PPFIBP1: variants seen among roughly 807,000 people sequenced by gnomAD.
PPFIBP1 encodes liprin-beta-1.
In PPFIBP1, 112 loss-of-function variants were observed where a neutral mutation model predicts 137.8. The ratio of observed to expected loss-of-function variants is 0.81; its 90% CI spans 0.70 to 0.95. The LOEUF is 0.95. PPFIBP1 is among the 40% of genes least tolerant of loss of function. The pLI is 0.00. For synonymous variants in PPFIBP1, 378 were observed against 417.3 expected (o/e 0.91, Z 1.15); for missense variants, 1,083 against 1,196.6 (o/e 0.91, Z 1.40).
intron 2 of PPFIBP1, chr12:27,593,351 T>C: frequency 2.4e-6 from 1 of 418,364 alleles, no homozygotes; most frequent in Non-Finnish European, 4.7e-6. Flanking sequence ...ATTCTGTGGT[T>C]CAACCCAGGC....
intron 28 of PPFIBP1, 139 bp downstream of exon 28, chr12:27,692,067 A>T: frequency 1.0e-5 from 7 of 694,758 alleles, no homozygotes; most frequent in Non-Finnish European, 1.6e-5. Context: ...ACACTTAGAG[A>T]TCACTTATAT....
chr12:27,534,331 T>C (rs1944741272), intron 1 of PPFIBP1, among the ~76,000 whole-genome samples: 1 of 152,082 alleles, frequency 6.6e-6, no homozygotes, highest in Non-Finnish European at 1.5e-5. Context: ...ATTGAGTAAG[T>C]TCACTGCAGG....
chr12:27,644,350 G>A (rs545018328), intron 4 of PPFIBP1, among the ~76,000 whole-genome samples: 11 of 150,706 alleles, frequency 7.3e-5, no homozygotes, highest in Non-Finnish European at 1.0e-4. Flanking sequence ...CGAAGTGCTG[G>A]AATTACAGGT....
chr12:27,619,963 T>C (rs1017728662), intron 2 of PPFIBP1, among the ~76,000 whole-genome samples: 17 of 151,934 alleles, frequency 1.1e-4, no homozygotes, highest in African/African-American at 4.1e-4. Context: ...ATACATTTTA[T>C]ATATATATTT....
chr12:27,658,329 A>C (rs2059341615), intron 9 of PPFIBP1, among the ~76,000 whole-genome samples: 1 of 152,066 alleles, frequency 6.6e-6, no homozygotes, highest in Non-Finnish European at 1.5e-5. Flanking sequence ...TGATATTGGG[A>C]TAGCATCTAA....
At position 27,611,378 on chromosome 12, in the gene PPFIBP1, T is replaced by G. The variant is rs1035955302; in HGVS notation, c.-35-21984T>G. Among the ~76,000 whole-genome samples the G allele has an allele frequency of 2.6e-5, 4 of 152,184 alleles. 1 individual carries two copies. Among genetic ancestry groups the G allele is most frequent in the African/African-American group, 9.6e-5 (4 of 41,454 alleles). ...GTCTTCTTTTGCATTCACATCATCT[T>G]GAATTTTGGGCACATATTTCTGTGT... On this transcript the variant is annotated intron_variant, in intron 2 of 29. Coordinates refer to ENST00000228425, the MANE Select transcript of PPFIBP1 (RefSeq NM_003622.4).
chr12:27,583,745 C>T (rs1270364465), intron 2 of PPFIBP1, among the ~76,000 whole-genome samples: 1 of 152,176 alleles, frequency 6.6e-6, no homozygotes, highest in Non-Finnish European at 1.5e-5. Flanking sequence ...CTCTTTTCTC[C>T]TCTTGTTAGC....
chr12:27,628,826 G>A (rs1312860155), intron 2 of PPFIBP1, among the ~76,000 whole-genome samples: 1 of 152,116 alleles, frequency 6.6e-6, no homozygotes, highest in Admixed American at 6.6e-5. Flanking sequence ...GAAAGACTTA[G>A]AGAAATAAAG....
chr12:27,598,791 G>A (rs370769034), intron 2 of PPFIBP1, among the ~76,000 whole-genome samples: 1 of 152,244 alleles, frequency 6.6e-6, no homozygotes. Context: ...GGGGATTTGG[G>A]GGTCCTCATT....
intron 10 of PPFIBP1, among the ~76,000 whole-genome samples, chr12:27,660,201 C>A (rs888838764): frequency 3.9e-5 from 6 of 152,020 alleles, no homozygotes; most frequent in Non-Finnish European, 8.8e-5. Flanking sequence ...CCTGGAGTGA[C>A]TTTTCATCTT....
At chr12:27,549,415 A>G (rs1946541254) in intron 1 of PPFIBP1, 1 of 152,220 alleles carries the variant, frequency 6.6e-6, no homozygotes, top group African/African-American at 2.4e-5. Context: ...CCTTTTCTAC[A>G]GTCCGGATGA....
intron 5 of PPFIBP1, among the ~76,000 whole-genome samples, chr12:27,647,492 T>C (rs901847124): frequency 8.6e-5 from 13 of 151,936 alleles, no homozygotes; most frequent in East Asian, 1.9e-4. Flanking sequence ...AAAAGTATTG[T>C]ACATTCCTAA....
intron 11 of PPFIBP1, among the ~76,000 whole-genome samples, chr12:27,661,338 C>G (rs1349371039): frequency 6.6e-6 from 1 of 152,256 alleles, no homozygotes; most frequent in Non-Finnish European, 1.5e-5. Flanking sequence ...CCTCCATTTA[C>G]TCATTATTTC....
At chr12:27,677,503 T>C (rs2060596416) in intron 19 of PPFIBP1, 2 of 208,548 alleles carry the variant, frequency 9.6e-6, no homozygotes, top group Admixed American at 5.1e-5. Flanking sequence ...AGAAATTTTT[T>C]TGGCCATATA....
chr12:27,545,833 C>G (rs1214891154), intron 1 of PPFIBP1, among the ~76,000 whole-genome samples: 3 of 152,210 alleles, frequency 2.0e-5, no homozygotes, highest in African/African-American at 7.2e-5. Flanking sequence ...TTAAAGCTTT[C>G]TCTTCTCCCC....
chr12:27,610,433 G>A (rs1325999658), intron 2 of PPFIBP1, among the ~76,000 whole-genome samples: 2 of 152,088 alleles, frequency 1.3e-5, no homozygotes, highest in African/African-American at 4.8e-5. Flanking sequence ...TCTAGCTGCT[G>A]GCATCTAAGT....
intron 2 of PPFIBP1, among the ~76,000 whole-genome samples, chr12:27,610,605 G>T (rs761155911): frequency 1.3e-5 from 2 of 152,206 alleles, no homozygotes; most frequent in Admixed American, 6.5e-5. Flanking sequence ...GGAGACTTAA[G>T]TCTTGCTGAG....
intron 4 of PPFIBP1, chr12:27,635,789 G>A (rs2057622895): frequency 6.6e-6 from 1 of 152,182 alleles, no homozygotes; most frequent in South Asian, 2.1e-4. Flanking sequence ...CGCTTTCTAG[G>A]CATCCTTCTC....
At chr12:27,624,714 C>G (rs998405729) in intron 2 of PPFIBP1, among the ~76,000 whole-genome samples, 1 of 152,136 alleles carries the variant, frequency 6.6e-6, no homozygotes, top group Non-Finnish European at 1.5e-5. Context: ...CCTTACAATC[C>G]TCTGTGAGTG....
Sources: gnomAD v4.1 joint callset for allele counts (sites outside exome capture counted in the v4.1 genomes callset) on GRCh38, gnomAD v4.1.1 for gene constraint, MANE v1.5 for transcripts, NCBI Gene and HGNC (gene_info 2026-07-23, HGNC 2026-07-21) for gene names.